Variants in NRG3 observed in about 807,000 individuals in gnomAD.
NRG3 encodes neuregulin 3, also known as pro-neuregulin-3, membrane-bound isoform.
NRG3 carries 31 observed loss-of-function variants against 66.9 expected under a neutral mutation model. That is an observed-to-expected ratio of 0.46 (90% CI 0.35 to 0.63). The LOEUF (loss-of-function observed/expected upper bound fraction) is 0.63. NRG3 is among the 20% of genes least tolerant of loss of function. NRG3 has a pLI of 0.00. For synonymous variants in NRG3, 393 were observed against 359.4 expected, an observed-to-expected ratio of 1.09 and a Z score of -1.06; for missense variants, 910 against 878.9, an observed-to-expected ratio of 1.04 and a Z score of -0.45.
chr10:82,883,277 C>A (rs1478561717), intron 4 of NRG3, among the ~76,000 whole-genome samples: 1 of 151,926 alleles, frequency 6.6e-6, no homozygotes, highest in East Asian at 1.9e-4. Context: ...ATTCTTATTT[C>A]TGTGAATAAA....
At chr10:82,632,065 G>A (rs2049882309) in intron 2 of NRG3, among the ~76,000 whole-genome samples, 1 of 152,082 alleles carries the variant, frequency 6.6e-6, no homozygotes, top group African/African-American at 2.4e-5. Flanking sequence ...TCACGCCATT[G>A]CACCTCCAAC....
chr10:82,622,437 T>C (rs2049105344), intron 2 of NRG3, among the ~76,000 whole-genome samples: 1 of 152,184 alleles, frequency 6.6e-6, no homozygotes, highest in South Asian at 2.1e-4. Context: ...GTTTATTCAT[T>C]ACCTCTACCA....
chr10:82,812,683 C>A (rs546010318), intron 3 of NRG3, among the ~76,000 whole-genome samples: 1 of 152,142 alleles, frequency 6.6e-6, no homozygotes, highest in South Asian at 2.1e-4. Flanking sequence ...TAAAAATTAG[C>A]ATAAGAGTTA....
At chr10:81,916,821 C>G (rs111805070) in intron 1 of NRG3, among the ~76,000 whole-genome samples, 2,882 of 152,188 alleles carry the variant, frequency 0.019, 80 homozygotes, top group African/African-American at 0.064. Context: ...TGCCTTTCTG[C>G]CAGGTGCCAA....
At chr10:82,937,045 C>T (rs1168711435) in intron 4 of NRG3, among the ~76,000 whole-genome samples, 1 of 152,176 alleles carries the variant, frequency 6.6e-6, no homozygotes. Context: ...CGTGGAGCAT[C>T]AGTATGACTC....
chr10:82,807,431 G>A (rs79941579), intron 3 of NRG3, among the ~76,000 whole-genome samples: 1 of 152,148 alleles, frequency 6.6e-6, no homozygotes, highest in Non-Finnish European at 1.5e-5. Context: ...GCAACGGGGT[G>A]TGTGGAGTGT....
chr10:82,386,661 A>G (rs1419681990), intron 2 of NRG3, among the ~76,000 whole-genome samples: 3 of 152,190 alleles, frequency 2.0e-5, no homozygotes, highest in Non-Finnish European at 4.4e-5. Context: ...TTATACTCGG[A>G]AAGATCCACT....
At chr10:82,598,658 G>C (rs1385183132) in intron 2 of NRG3, among the ~76,000 whole-genome samples, 1 of 152,200 alleles carries the variant, frequency 6.6e-6, no homozygotes, top group Non-Finnish European at 1.5e-5. Flanking sequence ...AAAAAGATAA[G>C]AACAGGTAAG....
intron 1 of NRG3, among the ~76,000 whole-genome samples, chr10:81,915,353 A>G (rs76079716): frequency 0.019 from 2,863 of 152,228 alleles, 79 homozygotes; most frequent in African/African-American, 0.063. Context: ...TGGAGAGGCT[A>G]GATTCTTCAT....
intron 2 of NRG3, among the ~76,000 whole-genome samples, chr10:82,568,402 CAAAT>C (rs1482561983): frequency 1.3e-5 from 2 of 151,836 alleles, no homozygotes; most frequent in East Asian, 1.9e-4. Flanking sequence ...GCTGAAGTAA[CAAAT>C]AAATCCAGAT....
At chr10:82,805,466 T>C (rs2135464629) in intron 3 of NRG3, among the ~76,000 whole-genome samples, 1 of 152,326 alleles carries the variant, frequency 6.6e-6, no homozygotes, top group South Asian at 2.1e-4. Flanking sequence ...TATTTATATT[T>C]TTCTTTTTAG....
chr10:82,097,737 C>G (rs2066445327), intron 1 of NRG3, among the ~76,000 whole-genome samples: 1 of 151,872 alleles, frequency 6.6e-6, no homozygotes, highest in Non-Finnish European at 1.5e-5. Flanking sequence ...CTTGTTGTGC[C>G]ACATTCCTGA....
chr10:82,098,474 G>A (rs2066515936), intron 1 of NRG3, among the ~76,000 whole-genome samples: 1 of 152,180 alleles, frequency 6.6e-6, no homozygotes, highest in South Asian at 2.1e-4. Context: ...CCCTTGGGGT[G>A]GTGTAGTGAG....
intron 1 of NRG3, among the ~76,000 whole-genome samples, chr10:81,992,217 T>C (rs1222612273): frequency 6.6e-6 from 1 of 152,144 alleles, no homozygotes; most frequent in Non-Finnish European, 1.5e-5. Flanking sequence ...TCTTTGAATA[T>C]ATATTTTATT....
At chr10:82,315,337 C>T (rs1318941218) in intron 1 of NRG3, among the ~76,000 whole-genome samples, 1 of 152,180 alleles carries the variant, frequency 6.6e-6, no homozygotes, top group Non-Finnish European at 1.5e-5. Context: ...AACAGCAGAG[C>T]TGATCTTTGC....
At chr10:81,978,458 G>C (rs1443431479) in intron 1 of NRG3, among the ~76,000 whole-genome samples, 1 of 152,106 alleles carries the variant, frequency 6.6e-6, no homozygotes, top group African/African-American at 2.4e-5. Context: ...AGATAGCCAA[G>C]AGGTTAAGGC....
intron 1 of NRG3, among the ~76,000 whole-genome samples, chr10:81,896,790 T>C (rs1724629651): frequency 1.3e-5 from 2 of 152,068 alleles, no homozygotes; most frequent in Admixed American, 1.3e-4. Flanking sequence ...CCACACAGCC[T>C]GTCTCAAGAT....
chr10:82,464,816 G>A (rs539003506), intron 2 of NRG3, among the ~76,000 whole-genome samples: 12 of 152,310 alleles, frequency 7.9e-5, no homozygotes, highest in African/African-American at 2.9e-4. Context: ...ACAGTGCTTT[G>A]GAGTTTACAG....
At chr10:82,364,853 C>T (rs368659155) in intron 2 of NRG3, among the ~76,000 whole-genome samples, 1 of 152,100 alleles carries the variant, frequency 6.6e-6, no homozygotes, top group Non-Finnish European at 1.5e-5. Flanking sequence ...CTACCATTGC[C>T]CAGGGTGATA....
Sources: gnomAD v4.1 joint callset for allele counts (sites outside exome capture counted in the v4.1 genomes callset) on GRCh38, gnomAD v4.1.1 for gene constraint, MANE v1.5 for transcripts, NCBI Gene and HGNC (gene_info 2026-07-23, HGNC 2026-07-21) for gene names.